Variants in TTN observed in about 807,000 individuals in gnomAD.
The protein encoded by TTN is titin, also known as connectin.
A neutral mutation model predicts 3,223.0 loss-of-function variants in TTN; 1,525 were observed. The ratio of observed to expected loss-of-function variants is 0.47; its 90% CI spans 0.45 to 0.49. TTN has a LOEUF of 0.49. TTN is among the 20% of genes least tolerant of loss of function. The pLI, the probability that TTN is intolerant of heterozygous loss-of-function variation, is 0.00. For synonymous variants in TTN, 14,094 were observed against 15,161.0 expected, an observed-to-expected ratio of 0.93 and a Z score of 5.17; for missense variants, 40,786 against 43,424.0, an observed-to-expected ratio of 0.94 and a Z score of 5.40.
At chr2:178,805,521 G>A (rs1343919212) in intron 1 of TTN, among the ~76,000 whole-genome samples, 1 of 152,054 alleles carries the variant, frequency 6.6e-6, no homozygotes, top group Non-Finnish European at 1.5e-5. Context: ...GTAAAAATCT[G>A]AACTTTGTAA....
Position 178,760,194 on chromosome 2 carries a change from AGTAACAAATCT to A in TTN, c.10115-1033_10115-1023del, listed in dbSNP as rs1047502283. On this transcript the variant is annotated intron_variant, in intron 43 of 362. Coordinates refer to ENST00000589042, the MANE Select transcript of TTN (RefSeq NM_001267550.2). ...TATAAATGGCAGGTTCTCCTCTTAG[AGTAACAAATCT>A]GTTCAGTTCCTTAGATAGTAAGGTA... Among the ~76,000 whole-genome samples the A allele has an allele frequency of 9.7e-4, 148 of 152,316 alleles. 2 individuals carry two copies. The highest frequency in any genetic ancestry group is 3.4e-3 in the African/African-American group (142 of 41,576).
At chr2:178,545,241 TA>T in intron 344 of TTN, 146 bp downstream of exon 344, 1 of 641,844 alleles carries the variant, frequency 1.6e-6, no homozygotes, top group Non-Finnish European at 2.3e-6. Context: ...TTCTCTGACT[TA>T]AGCTATATTT....
At chr2:178,637,181 A>ATATATATATC (rs2060584268) in intron 224 of TTN, among the ~76,000 whole-genome samples, 188 bp downstream of exon 224, 1 of 133,750 alleles carries the variant, frequency 7.5e-6, no homozygotes, top group African/African-American at 2.8e-5. Flanking sequence ...ATATATATAT[A>ATATATATATC]TATATATATC....
intron 147 of TTN, among the ~76,000 whole-genome samples, chr2:178,676,811 G>A (rs1254908055): frequency 6.6e-6 from 1 of 151,582 alleles, no homozygotes; most frequent in Non-Finnish European, 1.5e-5. Flanking sequence ...TTTTAGCCTG[G>A]TGTTAAAAAG....
At chr2:178,666,780 C>T in intron 163 of TTN, 44 bp downstream of exon 163, 1 of 1,485,492 alleles carries the variant, frequency 6.7e-7, no homozygotes, top group Non-Finnish European at 9.1e-7. Context: ...TTAAGTACAA[C>T]TGCAAACATG....
chr2:178,626,645 A>C (rs1408187673), intron 240 of TTN, among the ~76,000 whole-genome samples: 1 of 152,008 alleles, frequency 6.6e-6, no homozygotes, highest in African/African-American at 2.4e-5. Flanking sequence ...AGAGTGGCCA[A>C]AAAACATAAT....
Position 178,591,000 on chromosome 2 carries a change from T to C in TTN, c.60725A>G (p.Tyr20242Cys). The change falls in exon 304 of 363, where the codon TAT (tyrosine) becomes TGT (cysteine). Residue 20242 changes from tyrosine (Y) to cysteine (C), a missense_variant. Coordinates refer to ENST00000589042, the MANE Select transcript of TTN (RefSeq NM_001267550.2). ...KIPHLQKGCE[Y>C]VFRVRAENKI... ...ATTCTCTGCTCTAACTCGGAAAACA[T>C]ATTCACAGCCCTTCTGCAGATGTGG... 6.2e-7 allele frequency: 1 copy of C among 1,613,466 alleles called. No homozygotes were observed. The highest frequency in any genetic ancestry group is 8.5e-7 in the Non-Finnish European group (1 of 1,179,554).
In TTN at chr2:178,701,110, G is replaced by A. The variant is rs727505022; in HGVS notation, c.30682+10C>T. 6.2e-7 allele frequency: 1 copy of A among 1,612,166 alleles called. No individual in the cohort carries two copies. Among genetic ancestry groups the A allele is most frequent in the Non-Finnish European group, 8.5e-7 (1 of 1,178,594 alleles). On this transcript the variant is annotated intron_variant, in intron 111 of 362. Transcript: ENST00000589042. ...CTTATTTCGACATCTAGGTAGATGAGGTATAATACCTTCAATACGTTTTGG... is the reference window on the plus strand; with the variant it reads ...CTTATTTCGACATCTAGGTAGATGAAGTATAATACCTTCAATACGTTTTGG...
At position 178,635,573 on chromosome 2, in the gene TTN, T is replaced by C; in HGVS notation, c.41751A>G (p.Pro13917=). The change falls in exon 227 of 363, where the codon CCA becomes CCG. Residue 13917 remains proline (P), a synonymous_variant. Coordinates refer to ENST00000589042, the MANE Select transcript of TTN (RefSeq NM_001267550.2). ...CTCTCAGTATTTCAGTCTTATCATT[T>C]GGTTCCGCAGGGATTTCATCATATC... ...FKGYDEIPAE[P]NDKTEILRDG... 1 of 1,594,580 alleles carries C rather than the reference T, an allele frequency of 6.3e-7. No homozygotes were observed. Among genetic ancestry groups the C allele is most frequent in the Non-Finnish European group, 8.6e-7 (1 of 1,169,098 alleles).
chr2:178,614,403 T>C (rs1461689479), intron 261 of TTN, 55 bp from the exon 262 acceptor site: 3 of 1,578,724 alleles, frequency 1.9e-6, no homozygotes, highest in Non-Finnish European at 2.6e-6. Context: ...TTTTTTTATT[T>C]TTTTCTTTCA....
chr2:178,669,209 G>A (rs2066525285), intron 159 of TTN, among the ~76,000 whole-genome samples, 164 bp downstream of exon 159: 1 of 152,064 alleles, frequency 6.6e-6, no homozygotes, highest in Admixed American at 6.6e-5. Context: ...AATATAACTT[G>A]TCTGAGGATA....
Position 178,756,671 on chromosome 2 carries a change from T to G in TTN, c.10805A>C (p.Gln3602Pro), listed in dbSNP as rs2154335038. 6.2e-7 allele frequency: 1 copy of G among 1,613,886 alleles called. No homozygotes were observed. Among genetic ancestry groups the G allele is most frequent in the East Asian group, 2.2e-5 (1 of 44,844 alleles). ...CACTTCATATTCATATGATGATCCTTGAAATGACTTAATTTCCTTTTGAGA... is the reference window on the plus strand; with the variant it reads ...CACTTCATATTCATATGATGATCCTGGAAATGACTTAATTTCCTTTTGAGA... ...KISQKEIKSF[Q>P]GSSYEYEVQV... The change falls in exon 46 of 363, where the codon CAA becomes CCA. Residue 3602 changes from glutamine (Q) to proline (P), a missense_variant. Physicochemically the swap from Gln to Pro is moderately conservative, Grantham distance 76 (BLOSUM62 -1). Transcript: ENST00000589042.
rs1196566 is a variant in TTN, at chr2:178,706,314, G to T, written c.29420+140C>A. The T allele has an allele frequency of 9.3e-6, 8 of 857,296 alleles. No individual in the cohort carries two copies. The African/African-American group carries it at 1.0e-4, about 11-fold the overall frequency. 53.1% of individuals were successfully genotyped at this position (857,296 alleles called of 1,614,324 possible). A position where few individuals can be genotyped will look rare whatever the true frequency, so the allele number is the denominator to read the frequency against. ...AATACAATGTAAGTGCTGTGTAAAT[G>T]GTTGTTATGCTGTATTGTTTATTTG... On this transcript the variant is annotated intron_variant, in intron 102 of 362. Coordinates refer to ENST00000589042, the MANE Select transcript of TTN (RefSeq NM_001267550.2).
chr2:178,605,058 T>C lies in TTN; in HGVS notation c.54119A>G (p.Lys18040Arg). 1 of 1,612,428 alleles carries C rather than the reference T, an allele frequency of 6.2e-7. No individual in the cohort carries two copies. ...LSIPKAVRED[K>R]GTYTVTASNR... ...GGAAGCAGTAACTGTGTAAGTGCCT[T>C]TGTCCTCCCGGACCGCTTTGGGAAT... The change falls in exon 280 of 363, where the codon AAA becomes AGA. Residue 18040 changes from lysine (K) to arginine (R), a missense_variant. By Grantham distance (26) the Lys-to-Arg change is conservative. Transcript: ENST00000589042.
At position 178,785,508 on chromosome 2, in the gene TTN, A is replaced by C. The variant is rs533917359; in HGVS notation, c.2493+112T>G. The C allele has an allele frequency of 5.3e-6, 8 of 1,495,652 alleles. No homozygotes were observed. The East Asian group carries it at 1.6e-4, about 30-fold the overall frequency. The allele number at this position is 1,495,652 out of a possible 1,614,324, so 92.6% of individuals were successfully genotyped here. A position where few individuals can be genotyped will look rare whatever the true frequency, so the allele number is the denominator to read the frequency against. On this transcript the variant is annotated intron_variant, in intron 15 of 362. Coordinates refer to ENST00000589042, the MANE Select transcript of TTN (RefSeq NM_001267550.2). ...ACTGTGAATGCAAACACACGCACACACACATCACCAAAAAAGAATCCTCCA... is the reference window on the plus strand; with the variant it reads ...ACTGTGAATGCAAACACACGCACACCCACATCACCAAAAAAGAATCCTCCA...
At chr2:178,682,165 TGCCAAC>T (rs1463159289) in intron 135 of TTN, among the ~76,000 whole-genome samples, 1 of 152,042 alleles carries the variant, frequency 6.6e-6, no homozygotes, top group Non-Finnish European at 1.5e-5. Flanking sequence ...CCAAACTATA[TGCCAAC>T]AAATTTGACC....
chr2:178,651,232 G>A lies in TTN; in HGVS notation c.39625+11C>T, dbSNP rs747771029. ...AGTGCTTTTCTGCAGAATCTCATTA[G>A]TGACATGTACCTTTTGCTGGTGGGA... On this transcript the variant is annotated intron_variant, in intron 208 of 362. Transcript: ENST00000589042. The A allele has an allele frequency of 6.2e-7, 1 of 1,608,634 alleles. No individual in the cohort carries two copies. The highest frequency in any genetic ancestry group is 8.5e-7 in the Non-Finnish European group (1 of 1,176,506).
rs748398405 is a variant in TTN, at chr2:178,715,607, A to G, written c.25807T>C (p.Ser8603Pro). The change falls in exon 89 of 363, where the codon TCG (serine) becomes CCG (proline). Residue 8603 changes from serine (S) to proline (P), a missense_variant. By Grantham distance (74) the Ser-to-Pro change is moderately conservative. Transcript: ENST00000589042. ...TTGTGCATTTCCAGCACAGCCACCG[A>G]GTCAACGAATGACATTCTGAATTTA... ...SSKFRMSFVD[S>P]VAVLEMHNLS... is the part of the protein sequence containing the mutation. 6.2e-7 allele frequency: 1 copy of G among 1,613,558 alleles called. No homozygotes were observed. The highest frequency in any genetic ancestry group is 1.3e-5 in the African/African-American group (1 of 74,912).
At position 178,575,281 on chromosome 2, in the gene TTN, T is replaced by C. The variant is rs753207751; in HGVS notation, c.70851A>G (p.Arg23617=). 1.7e-5 allele frequency: 27 copies of C among 1,613,284 alleles called. No homozygotes were observed. The Admixed American group carries it at 2.5e-4, about 15-fold the overall frequency. Residue 23617 remains arginine (R), a synonymous_variant, in exon 326 of 363, where the codon AGA becomes AGG. Coordinates refer to ENST00000589042, the MANE Select transcript of TTN (RefSeq NM_001267550.2). This position sits in a 1 kb window ranked among gnomAD's most constrained non-coding sequence, Gnocchi z 4.0. Reference sequence around the variant, plus strand: ...CCTTGACAATGACGGGTCTGCTTTCTCTAGGGGCACTTCTCCCCGCGCTGT... The same window carrying C: ...CCTTGACAATGACGGGTCTGCTTTCCCTAGGGGCACTTCTCCCCGCGCTGT... ...AVNSAGRSAP[R]ESRPVIVKEQ... is the part of the protein sequence containing the mutation.
Sources: allele counts gnomAD v4.1 joint callset (sites outside exome capture counted in the v4.1 genomes callset), GRCh38; gene constraint gnomAD v4.1.1; non-coding constraint Gnocchi (gnomAD v3.1); transcripts MANE v1.5; gene names NCBI Gene and HGNC (gene_info 2026-07-23, HGNC 2026-07-21).